Variants in S100Z observed in about 807,000 individuals in gnomAD.
The protein encoded by S100Z is S100 calcium binding protein Z.
Under a neutral mutation model 8.5 loss-of-function variants are expected in S100Z, and 11 were observed. That is an observed-to-expected ratio of 1.30 (90% CI 0.82 to 2.15). The LOEUF is 2.15. Among genes scored for constraint, S100Z ranks in the 30% most tolerant of loss-of-function variants. The pLI is 0.00. For synonymous variants in S100Z, 34 were observed against 43.8 expected, an observed-to-expected ratio of 0.78 and a Z score of 0.89; for missense variants, 126 against 117.9, an observed-to-expected ratio of 1.07 and a Z score of -0.32.
the S100Z span, among the ~76,000 whole-genome samples, chr5:76,950,494 C>T: frequency 5.3e-5 from 8 of 152,160 alleles, no homozygotes; most frequent in Non-Finnish European, 8.8e-5. Context: ...TGACAATTTG[C>T]TCTGGGGCTT....
intron 4 of S100Z, among the ~76,000 whole-genome samples, chr5:76,890,284 A>G (rs546689972): frequency 2.0e-3 from 299 of 152,332 alleles, no homozygotes; most frequent in African/African-American, 6.9e-3. Flanking sequence ...TTGGCCTCCC[A>G]AAATGCTGGG....
chr5:76,898,995 A>G (rs2150668572), intron 4 of S100Z, among the ~76,000 whole-genome samples: 1 of 137,620 alleles, frequency 7.3e-6, no homozygotes, highest in Non-Finnish European at 1.5e-5. Context: ...GAGTGCAATG[A>G]CACGACCTTG....
At chr5:76,857,719 T>C (rs2150621380) in intron 1 of S100Z, among the ~76,000 whole-genome samples, 1 of 152,294 alleles carries the variant, frequency 6.6e-6, no homozygotes, top group Non-Finnish European at 1.5e-5. Context: ...CAGGCTGATC[T>C]TGAACTCCTG....
At chr5:76,923,684 A>C (rs1386633504), downstream of S100Z, among the ~76,000 whole-genome samples, 3 of 152,198 alleles carry the variant, frequency 2.0e-5, no homozygotes, top group East Asian at 5.8e-4. Flanking sequence ...CCAATCCACA[A>C]CACCACCATA....
chr5:76,918,145 G>A (rs1487227656), intron 4 of S100Z, among the ~76,000 whole-genome samples: 1 of 152,126 alleles, frequency 6.6e-6, no homozygotes, highest in South Asian at 2.1e-4. Flanking sequence ...TGCACGTGTT[G>A]TTTTTCCACA....
chr5:76,887,307 C>T (rs1232587431), intron 4 of S100Z, among the ~76,000 whole-genome samples: 2 of 150,136 alleles, frequency 1.3e-5, no homozygotes, highest in Non-Finnish European at 3.0e-5. Flanking sequence ...ATGTTGGGGC[C>T]AGAAAGGTCT....
At chr5:76,940,427 T>C in the S100Z span, among the ~76,000 whole-genome samples, 1 of 152,160 alleles carries the variant, frequency 6.6e-6, no homozygotes, top group Admixed American at 6.5e-5. Flanking sequence ...TTTTTCTTTT[T>C]TTTGAGATGG....
At chr5:76,890,920 T>A (rs943763680) in intron 4 of S100Z, among the ~76,000 whole-genome samples, 1 of 152,234 alleles carries the variant, frequency 6.6e-6, no homozygotes. Flanking sequence ...TGGAGTGCAA[T>A]GGCACAGTCT....
chr5:76,867,245 G>A lies in S100Z; in HGVS notation c.-175-2921G>A, dbSNP rs559771428. ...AAAAGTGTCCACCCTTCTGAGGTCCGTCCCTCCCACTGAGATTCCTCATGC... is the reference window on the plus strand; with the variant it reads ...AAAAGTGTCCACCCTTCTGAGGTCCATCCCTCCCACTGAGATTCCTCATGC... On this transcript the variant is annotated intron_variant, in intron 1 of 4. Transcript: ENST00000317593. Among the ~76,000 whole-genome samples the A allele has an allele frequency of 1.1e-4, 16 of 152,216 alleles. 1 individual carries two copies. In the South Asian group the frequency reaches 2.5e-3, roughly 24 times the overall value.
intron 4 of S100Z, among the ~76,000 whole-genome samples, chr5:76,893,448 T>G (rs983085173): frequency 4.6e-5 from 7 of 151,658 alleles, no homozygotes; most frequent in African/African-American, 1.7e-4. Flanking sequence ...GAGGCTGAGG[T>G]GGGAGGATTG....
At chr5:76,877,399 T>C (rs1370956510) in intron 3 of S100Z, among the ~76,000 whole-genome samples, 4 of 152,188 alleles carry the variant, frequency 2.6e-5, no homozygotes, top group African/African-American at 9.7e-5. Context: ...GTCCTGTAAA[T>C]GTGTTTTTAG....
At chr5:76,905,330 C>T (rs1744388334) in intron 4 of S100Z, among the ~76,000 whole-genome samples, 2 of 152,030 alleles carry the variant, frequency 1.3e-5, no homozygotes, top group African/African-American at 4.8e-5. Context: ...ACCACTGTGC[C>T]CGGCTTATTT....
Position 76,874,822 on chromosome 5 carries a change from A to T in S100Z, c.-56-482A>T, listed in dbSNP as rs190574808. 1.2e-4 allele frequency among the ~76,000 whole-genome samples: 19 copies of T among 152,186 alleles called. No homozygotes were observed. In the East Asian group the frequency reaches 3.7e-3, roughly 29 times the overall value. The stretch of plus-strand genomic sequence containing the variant: ...GCGAGGAGAAACAACTCAGCTGCGA[A>T]GTGCTTATTTGCAGCTTGCCCCAGC... On this transcript the variant is annotated intron_variant, in intron 2 of 4. Transcript: ENST00000317593.
At chr5:76,887,100 CTT>C (rs775761857) in intron 4 of S100Z, among the ~76,000 whole-genome samples, 6 of 140,210 alleles carry the variant, frequency 4.3e-5, no homozygotes, top group Non-Finnish European at 4.7e-5. Flanking sequence ...CTTTTCTTTT[CTT>C]TTTTTTTTTT....
At chr5:76,945,360 C>G in the S100Z span, among the ~76,000 whole-genome samples, 7 of 152,262 alleles carry the variant, frequency 4.6e-5, no homozygotes, top group South Asian at 1.2e-3. Flanking sequence ...TCCCCCAGCC[C>G]GACACCCATG....
intron 2 of S100Z, among the ~76,000 whole-genome samples, chr5:76,871,520 CTT>C (rs565094996): frequency 0.39 from 48,967 of 124,376 alleles, 9,276 homozygotes; most frequent in East Asian, 0.64. Context: ...ATCAGAAACT[CTT>C]TTTTTTTTTT....
At chr5:76,885,905 GAGA>G (rs1174700488) in intron 4 of S100Z, among the ~76,000 whole-genome samples, 4 of 149,134 alleles carry the variant, frequency 2.7e-5, no homozygotes, top group Non-Finnish European at 5.9e-5. Flanking sequence ...GAGGCATGGA[GAGA>G]AGGAGTGGGG....
chr5:76,881,716 G>C (rs984342192), intron 4 of S100Z, among the ~76,000 whole-genome samples: 1 of 152,196 alleles, frequency 6.6e-6, no homozygotes, highest in African/African-American at 2.4e-5. Flanking sequence ...GGAAGAGATT[G>C]ATAGGTGGAA....
At chr5:76,850,509 G>A (rs966043260) in intron 1 of S100Z, among the ~76,000 whole-genome samples, 1 of 152,146 alleles carries the variant, frequency 6.6e-6, no homozygotes. Context: ...CAAGTTTCAT[G>A]TTCTTGTCCA....
Sources: allele counts gnomAD v4.1 joint callset (sites outside exome capture counted in the v4.1 genomes callset), GRCh38; gene constraint gnomAD v4.1.1; transcripts MANE v1.5; gene names NCBI Gene and HGNC (gene_info 2026-07-23, HGNC 2026-07-21).